KLHL3: variants seen among roughly 807,000 people sequenced by gnomAD.
The protein encoded by KLHL3 is kelch like family member 3.
Under a neutral mutation model 70.5 loss-of-function variants are expected in KLHL3, and 19 were observed. The ratio of observed to expected loss-of-function variants is 0.27; its 90% CI spans 0.19 to 0.40. The LOEUF (loss-of-function observed/expected upper bound fraction) is 0.40, where lower values mean the gene tolerates loss of function less well. KLHL3 is among the 10% of genes least tolerant of loss of function. The pLI is 1.00. For missense variants in KLHL3, 512 were observed against 771.1 expected (o/e 0.66, Z 3.98); for synonymous variants, 258 against 290.3 (o/e 0.89, Z 1.13).
intron 3 of KLHL3, among the ~76,000 whole-genome samples, chr5:137,700,461 T>C (rs530666249): frequency 6.6e-6 from 1 of 152,322 alleles, no homozygotes; most frequent in East Asian, 1.9e-4. Context: ...CCTGTGGAAT[T>C]TGTGGTTGAA....
chr5:137,705,172 C>T (rs542565158), intron 3 of KLHL3, among the ~76,000 whole-genome samples: 1 of 152,342 alleles, frequency 6.6e-6, no homozygotes, highest in South Asian at 2.1e-4. Context: ...TTGTCCATTG[C>T]CTTGTATTCA....
Position 137,621,910 on chromosome 5 carries a change from G to A in KLHL3, c.*188C>T. The A allele has an allele frequency of 1.5e-6, 1 of 653,464 alleles. No individual in the cohort carries two copies. The highest frequency in any genetic ancestry group is 2.8e-6 in the Non-Finnish European group (1 of 360,144). 40.5% of individuals were successfully genotyped at this position (653,464 alleles called of 1,614,324 possible). ...CAGGGCATAGGCCAGAGCACCTCAG[G>A]GGAACGGGGGTGGGTAATGGTGTCC... is the stretch of plus-strand genomic sequence containing the variant. On this transcript the variant is annotated 3_prime_UTR_variant, in exon 15 of 15. Transcript: ENST00000309755.
chr5:137,683,683 C>A (rs1289393149), intron 5 of KLHL3, among the ~76,000 whole-genome samples: 1 of 152,128 alleles, frequency 6.6e-6, no homozygotes, highest in Non-Finnish European at 1.5e-5. Context: ...GAAATAAGCT[C>A]TCTTTCCATG....
intron 8 of KLHL3, among the ~76,000 whole-genome samples, chr5:137,647,260 C>T (rs1270591418): frequency 6.6e-6 from 1 of 152,176 alleles, no homozygotes; most frequent in Non-Finnish European, 1.5e-5. Flanking sequence ...ATAGATGATT[C>T]TGATTCTACC....
chr5:137,625,163 G>A (rs1369974610), intron 14 of KLHL3, among the ~76,000 whole-genome samples: 1 of 152,234 alleles, frequency 6.6e-6, no homozygotes, highest in African/African-American at 2.4e-5. Context: ...CTGCCCCATG[G>A]CACGGGGCCA....
At position 137,639,233 on chromosome 5, in the gene KLHL3, C is replaced by A. The variant is rs145288100; in HGVS notation, c.1022-83G>T. The A allele has an allele frequency of 3.7e-6, 5 of 1,368,958 alleles. No individual in the cohort carries two copies. In the African/African-American group the frequency reaches 5.7e-5, roughly 16 times the overall value. The allele number at this position is 1,368,958 out of a possible 1,614,324, so 84.8% of individuals were successfully genotyped here. On this transcript the variant is annotated intron_variant, in intron 9 of 14. Transcript: ENST00000309755. The surrounding 1 kb of genome is among the most constrained non-coding windows in gnomAD (Gnocchi z 5.0). ...GATGGATGGCAATGGAGGAGCAAGA[C>A]AGACACAGGAAAAGTCGCCACCGAA... is the stretch of plus-strand genomic sequence containing the variant.
intron 6 of KLHL3, among the ~76,000 whole-genome samples, chr5:137,663,482 T>C (rs1751537653): frequency 1.3e-5 from 2 of 151,692 alleles, no homozygotes; most frequent in African/African-American, 2.4e-5. Flanking sequence ...TAAATCATCC[T>C]CCCATATACT....
At chr5:137,687,298 GC>G (rs1370334698) in intron 5 of KLHL3, among the ~76,000 whole-genome samples, 1 of 35,722 alleles carries the variant, frequency 2.8e-5, no homozygotes, top group Non-Finnish European at 5.0e-5. Context: ...GGGGGGGTCA[GC>G]CCCCCGCCCG....
chr5:137,685,756 T>C (rs1752146788), intron 5 of KLHL3, among the ~76,000 whole-genome samples: 1 of 152,172 alleles, frequency 6.6e-6, no homozygotes, highest in Non-Finnish European at 1.5e-5. Context: ...AAGCTACACA[T>C]GAATGCTTGA....
intron 8 of KLHL3, among the ~76,000 whole-genome samples, chr5:137,650,922 A>C (rs553834345): frequency 6.6e-6 from 1 of 152,228 alleles, no homozygotes; most frequent in East Asian, 1.9e-4. Context: ...GAAACAAAGA[A>C]CCTTACAACC....
chr5:137,650,441 A>G (rs1039637603), intron 8 of KLHL3, among the ~76,000 whole-genome samples: 17 of 152,300 alleles, frequency 1.1e-4, no homozygotes, highest in South Asian at 6.2e-4. Context: ...ACCAGTTCAT[A>G]TCAGCCTTCG....
chr5:137,692,237 T>G, intron 5 of KLHL3, 48 bp downstream of exon 5: 2 of 1,550,470 alleles, frequency 1.3e-6, no homozygotes, highest in South Asian at 1.2e-5. Context: ...GACCAGGTGA[T>G]TAGATCCACA....
At chr5:137,649,428 G>A (rs1751143166) in intron 8 of KLHL3, among the ~76,000 whole-genome samples, 1 of 152,232 alleles carries the variant, frequency 6.6e-6, no homozygotes, top group Non-Finnish European at 1.5e-5. Flanking sequence ...GGCCCACATG[G>A]CAAGAAACAG....
At chr5:137,689,733 G>C (rs1752270767) in intron 5 of KLHL3, among the ~76,000 whole-genome samples, 1 of 152,218 alleles carries the variant, frequency 6.6e-6, no homozygotes, top group Admixed American at 6.5e-5. Context: ...TCTGAGTAAT[G>C]GGATCAACAG....
chr5:137,698,378 A>G lies in KLHL3; in HGVS notation c.272T>C (p.Ile91Thr). 6.2e-7 allele frequency: 1 copy of G among 1,614,182 alleles called. No individual in the cohort carries two copies. Residue 91 changes from isoleucine to threonine, a missense_variant, in exon 4 of 15, where the codon ATA (isoleucine) becomes ACA (threonine). Physicochemically the swap from Ile to Thr is moderately conservative, Grantham distance 89. Coordinates refer to ENST00000309755, the MANE Select transcript of KLHL3 (RefSeq NM_017415.3). Reference sequence around the variant, plus strand: ...CTGCCCATCCACGTCCTTGATTTCTATCTTTTTGGCTTTACTCTCAGACAT... The same window carrying G: ...CTGCCCATCCACGTCCTTGATTTCTGTCTTTTTGGCTTTACTCTCAGACAT... Reference protein sequence around the residue: ...GDMSESKAKKIEIKDVDGQTL... With the variant: ...GDMSESKAKKTEIKDVDGQTL...
intron 1 of KLHL3, 73 bp downstream of exon 1, chr5:137,735,560 G>C (rs1753247826): frequency 3.4e-6 from 4 of 1,193,532 alleles, no homozygotes; most frequent in Middle Eastern, 3.8e-4. Context: ...AAACACAAAA[G>C]CTGGTGGCTG....
intron 13 of KLHL3, among the ~76,000 whole-genome samples, chr5:137,626,604 T>C (rs1035694033): frequency 6.6e-6 from 1 of 152,234 alleles, no homozygotes; most frequent in Admixed American, 6.5e-5. Flanking sequence ...CTCTAAAAAG[T>C]AGTAATTATC....
At chr5:137,676,845 T>TA (rs1751895502) in intron 6 of KLHL3, among the ~76,000 whole-genome samples, 1 of 152,188 alleles carries the variant, frequency 6.6e-6, no homozygotes, top group African/African-American at 2.4e-5. Flanking sequence ...TCTACTGGCA[T>TA]AAAGAAATTT....
intron 1 of KLHL3, among the ~76,000 whole-genome samples, chr5:137,721,735 G>A (rs1053712048): frequency 6.6e-6 from 1 of 152,154 alleles, no homozygotes; most frequent in African/African-American, 2.4e-5. Flanking sequence ...GTGCCCAGGG[G>A]TTTCATGCCA....
Sources: gnomAD v4.1 joint callset for allele counts (sites outside exome capture counted in the v4.1 genomes callset) on GRCh38, gnomAD v4.1.1 for gene constraint, Gnocchi (gnomAD v3.1) non-coding constraint, MANE v1.5 for transcripts, NCBI Gene and HGNC (gene_info 2026-07-23, HGNC 2026-07-21) for gene names.